Variants in KCNT1 observed in about 807,000 individuals in gnomAD.
KCNT1 encodes the protein potassium channel subfamily T member 1.
In KCNT1, 78 loss-of-function variants were observed where a neutral mutation model predicts 147.8. The observed-to-expected ratio is 0.53, with a 90% CI of 0.44 to 0.64. The LOEUF (loss-of-function observed/expected upper bound fraction) is 0.64, where lower values mean the gene tolerates loss of function less well. Among genes scored for constraint, KCNT1 ranks in the 30% least tolerant of loss-of-function variants. KCNT1 has a pLI of 0.00. For synonymous variants in KCNT1, 867 were observed against 748.8 expected (o/e 1.16, Z -2.58); for missense variants, 1,419 against 1,750.3 (o/e 0.81, Z 3.38).
chr9:135,703,395 G>A (rs1383009582), intron 1 of KCNT1, among the ~76,000 whole-genome samples: 4 of 152,360 alleles, frequency 2.6e-5, no homozygotes, highest in Admixed American at 2.6e-4. Flanking sequence ...AGGAGGTAGG[G>A]CGGATGGTCT....
At chr9:135,726,934 TCCCTCTCC>T (rs1564323515) in intron 2 of KCNT1, among the ~76,000 whole-genome samples, 1 of 9,916 alleles carries the variant, frequency 1.0e-4, no homozygotes, top group Non-Finnish European at 2.2e-4. Context: ...TCTCTCTCCC[TCCCTCTCC>T]CTCTCTTTCC....
intron 18 of KCNT1, among the ~76,000 whole-genome samples, chr9:135,771,677 C>T (rs1832773502): frequency 6.6e-6 from 1 of 152,240 alleles, no homozygotes; most frequent in South Asian, 2.1e-4. Context: ...TTCAGGGATC[C>T]TCCCGGGGAG....
chr9:135,709,035 G>A (rs75683954), intron 1 of KCNT1, among the ~76,000 whole-genome samples: 291 of 152,244 alleles, frequency 1.9e-3, no homozygotes, highest in African/African-American at 6.7e-3. Context: ...AACACACATC[G>A]TGCATGATGT....
At chr9:135,724,305 G>A (rs769417179) in intron 2 of KCNT1, among the ~76,000 whole-genome samples, 8 of 152,218 alleles carry the variant, frequency 5.3e-5, no homozygotes, top group Non-Finnish European at 8.8e-5. Context: ...AGCCGTGGGC[G>A]GGTAGAGACA....
chr9:135,742,790 C>T (rs956014618), intron 2 of KCNT1: 1 of 717,352 alleles, frequency 1.4e-6, no homozygotes, highest in Admixed American at 2.0e-5. Flanking sequence ...TAGAAGATTT[C>T]AGCCTGGACT....
chr9:135,756,897 C>T lies in KCNT1; in HGVS notation c.565C>T (p.Leu189=). 6.2e-7 allele frequency: 1 copy of T among 1,613,420 alleles called. No individual in the cohort carries two copies. The highest frequency in any genetic ancestry group is 1.1e-5 in the South Asian group (1 of 91,078). The change falls in exon 7 of 31, where the codon CTG becomes TTG. Residue 189 remains leucine, a synonymous_variant. Transcript: ENST00000371757. The part of the protein sequence containing the change: ...IQVIVAIISF[L]ETMLLIYLSY... ...GGTCATCGTGGCCATAATAAGCTTC[C>T]TGGAGACGATGCTTCTCATCTACCT...
At chr9:135,715,691 T>C (rs796766116) in intron 2 of KCNT1, among the ~76,000 whole-genome samples, 1 of 151,908 alleles carries the variant, frequency 6.6e-6, no homozygotes, top group South Asian at 2.1e-4. Flanking sequence ...AATCTACTGC[T>C]GAAACCGCAG....
chr9:135,742,919 G>C, intron 2 of KCNT1: 1 of 687,106 alleles, frequency 1.5e-6, no homozygotes, highest in East Asian at 2.7e-5. Context: ...ATCCCCTGCA[G>C]CTGGGCCAGG....
At chr9:135,732,036 A>AGAGAGAGAGG (rs1471974281) in intron 2 of KCNT1, among the ~76,000 whole-genome samples, 3 of 137,260 alleles carry the variant, frequency 2.2e-5, no homozygotes, top group African/African-American at 8.1e-5. Context: ...AGAGAGAGAG[A>AGAGAGAGAGG]GAGAGGGAGT....
intron 11 of KCNT1, among the ~76,000 whole-genome samples, chr9:135,762,434 G>A (rs189926093): frequency 3.9e-4 from 60 of 152,108 alleles, no homozygotes; most frequent in Admixed American, 1.9e-3. Flanking sequence ...AACAGAGAGT[G>A]AGACCCTGTT....
At chr9:135,785,269 G>T (rs1221875650) in intron 27 of KCNT1, 41 bp from the exon 28 acceptor site, 1 of 1,610,992 alleles carries the variant, frequency 6.2e-7, no homozygotes, top group South Asian at 1.1e-5. Context: ...GGGGGCAGGG[G>T]TGCGCCCACA....
At chr9:135,784,505 CCCT>C in intron 25 of KCNT1, 27 bp from the exon 26 acceptor site, 1 of 515,960 alleles carries the variant, frequency 1.9e-6, no homozygotes, top group Non-Finnish European at 3.5e-6. Context: ...CTCCCTCCCT[CCCT>C]CCCTCCCTCC....
intron 18 of KCNT1, among the ~76,000 whole-genome samples, chr9:135,772,348 C>T (rs958312433): frequency 1.3e-5 from 2 of 152,180 alleles, no homozygotes; most frequent in Non-Finnish European, 2.9e-5. Flanking sequence ...CTGCTCCCCA[C>T]CTGGCCCCAT....
At chr9:135,789,191 G>A (rs944654636) in intron 29 of KCNT1, 2 of 152,306 alleles carry the variant, frequency 1.3e-5, no homozygotes, top group African/African-American at 2.4e-5. Context: ...AGCTTCCTGC[G>A]GCTCCCACTG....
chr9:135,775,457 C>T (rs1382731101), intron 20 of KCNT1, 42 bp downstream of exon 20: 3 of 1,476,108 alleles, frequency 2.0e-6, no homozygotes, highest in Non-Finnish European at 2.8e-6. Flanking sequence ...CCCCAGACGC[C>T]AGCACCGGGC....
At chr9:135,758,325 T>C in intron 9 of KCNT1, 89 bp from the exon 10 acceptor site, 1 of 955,284 alleles carries the variant, frequency 1.0e-6, no homozygotes, top group Non-Finnish European at 1.6e-6. Context: ...CCGGGCCGTC[T>C]GCTTTCCACT....
At chr9:135,774,418 G>A (rs542338693) in intron 19 of KCNT1, among the ~76,000 whole-genome samples, 1 of 110,240 alleles carries the variant, frequency 9.1e-6, no homozygotes, top group East Asian at 3.6e-4. Flanking sequence ...TGTGGTGTGT[G>A]TCTGTGTGTT....
rs531322763 is a variant in KCNT1 at position 135,713,427 on chromosome 9, G to C, written c.111-1150G>C. Among the ~76,000 whole-genome samples, 23 of 152,348 alleles carry C rather than the reference G, an allele frequency of 1.5e-4. No individual in the cohort carries two copies. The East Asian group carries it at 4.2e-3, about 28-fold the overall frequency. On this transcript the variant is annotated intron_variant, in intron 1 of 30. Coordinates refer to ENST00000371757, the MANE Select transcript of KCNT1 (RefSeq NM_020822.3). ...CAGCCTGGGGTGCCCATAGCTCCTT[G>C]CCTGCTGCTTGTCTGAGGGTTAGGG... is the stretch of plus-strand genomic sequence containing the variant.
intron 25 of KCNT1, 62 bp downstream of exon 25, chr9:135,784,187 C>A: frequency 1.6e-6 from 2 of 1,268,514 alleles, no homozygotes; most frequent in Non-Finnish European, 1.1e-6. Flanking sequence ...ATGCCCTCAG[C>A]TCTTCAGCCT....
Sources: allele counts gnomAD v4.1 joint callset (sites outside exome capture counted in the v4.1 genomes callset), GRCh38; gene constraint gnomAD v4.1.1; transcripts MANE v1.5; gene names NCBI Gene and HGNC (gene_info 2026-07-23, HGNC 2026-07-21).